ALKBH1: variants seen among roughly 807,000 people sequenced by gnomAD.
ALKBH1 encodes the protein nucleic acid dioxygenase ALKBH1.
In ALKBH1, 31 loss-of-function variants were observed where a neutral mutation model predicts 36.6. That is an observed-to-expected ratio of 0.85 (90% CI 0.64 to 1.14). The LOEUF (loss-of-function observed/expected upper bound fraction) is 1.14. Ranked by LOEUF, ALKBH1 falls within the 50% of genes most tolerant of loss-of-function variation. The probability of loss-of-function intolerance (pLI) is 0.00; values close to 1 mark genes in which losing one functional copy is unlikely to be tolerated. For synonymous variants in ALKBH1, 183 were observed against 186.6 expected (o/e 0.98, Z 0.16); for missense variants, 490 against 497.3 (o/e 0.99, Z 0.14).
chr14:77,704,505 G>C, intron 1 of ALKBH1, 28 bp from the exon 2 acceptor site: 1 of 1,582,096 alleles, frequency 6.3e-7, no homozygotes, highest in Non-Finnish European at 8.7e-7. Context: ...GAAGTTAAAG[G>C]ACTAAATCTA....
In ALKBH1 at chr14:77,707,845, C is replaced by T; in HGVS notation, c.160G>A (p.Gly54Ser). 1 of 1,611,080 alleles carries T rather than the reference C, an allele frequency of 6.2e-7. No homozygotes were observed. Among genetic ancestry groups the T allele is most frequent in the Non-Finnish European group, 8.5e-7 (1 of 1,178,462 alleles). ...IDFSAAHAAR[G>S]KGPGAQKVIK... ...ACCTTTTGGGCACCAGGACCCTTGC[C>T]ACGGGCTGCGTGGGCCGCCGAGAAG... is the stretch of plus-strand genomic sequence containing the variant. Residue 54 changes from glycine (G) to serine (S), a missense_variant, in exon 1 of 6, where the codon GGC becomes AGC. Transcript: ENST00000216489.
chr14:77,699,522 C>G (rs563327511), intron 2 of ALKBH1, among the ~76,000 whole-genome samples: 74 of 152,326 alleles, frequency 4.9e-4, no homozygotes, highest in Non-Finnish European at 9.1e-4. Flanking sequence ...CATTAATCTT[C>G]AGTAACTCTA....
intron 2 of ALKBH1, among the ~76,000 whole-genome samples, chr14:77,703,766 T>C (rs564417799): frequency 3.0e-4 from 45 of 151,864 alleles, no homozygotes; most frequent in Admixed American, 1.2e-3. Context: ...CCCAGCTAAT[T>C]TTTGTATTTT....
chr14:77,684,448 G>A (rs1202239158), intron 3 of ALKBH1, among the ~76,000 whole-genome samples: 13 of 151,692 alleles, frequency 8.6e-5, no homozygotes, highest in South Asian at 8.3e-4. Flanking sequence ...TGCAACCTCC[G>A]CCTCCCAGGT....
At chr14:77,694,196 T>G (rs2080314218) in intron 3 of ALKBH1, among the ~76,000 whole-genome samples, 1 of 152,190 alleles carries the variant, frequency 6.6e-6, no homozygotes, top group Non-Finnish European at 1.5e-5. Flanking sequence ...TGCCTTTATC[T>G]TTCTGTGTCC....
chr14:77,699,322 T>C (rs1437261020), intron 2 of ALKBH1, among the ~76,000 whole-genome samples: 1 of 152,256 alleles, frequency 6.6e-6, no homozygotes, highest in African/African-American at 2.4e-5. Context: ...AACTTTGTTA[T>C]TACTTAACTA....
At chr14:77,699,645 T>C (rs1045528221) in intron 2 of ALKBH1, among the ~76,000 whole-genome samples, 2 of 152,076 alleles carry the variant, frequency 1.3e-5, no homozygotes, top group Non-Finnish European at 2.9e-5. Context: ...AGCACACATT[T>C]GAGATAAGAC....
rs756874966 is a variant in ALKBH1, at chr14:77,707,965, G to C, written c.40C>G (p.Leu14Val). 6 of 1,613,200 alleles carry C rather than the reference G, an allele frequency of 3.7e-6. No individual in the cohort carries two copies. The African/African-American group carries it at 4.0e-5, about 11-fold the overall frequency. The stretch of plus-strand genomic sequence containing the variant: ...GCGTCCTCCCCGGGCTCAGTCGCCA[G>C]AGTCGCCACAGAGCCCACGGCCGCT... The part of the protein sequence containing the change: ...MAAAVGSVAT[L>V]ATEPGEDAFR... Residue 14 changes from leucine (L) to valine (V), a missense_variant, in exon 1 of 6, where the codon CTG (leucine) becomes GTG (valine). By Grantham distance (32) the Leu-to-Val change is conservative. Coordinates refer to ENST00000216489, the MANE Select transcript of ALKBH1 (RefSeq NM_006020.3).
rs367995214 is a variant in ALKBH1, at chr14:77,682,957, A to G, written c.456-2987T>C. Among the ~76,000 whole-genome samples, 6 of 152,294 alleles carry G rather than the reference A, an allele frequency of 3.9e-5. No individual in the cohort carries two copies. In the East Asian group the frequency reaches 7.7e-4, roughly 20 times the overall value. ...GGTGGTCCACCCGCCTCGGCCTCCCAAAGTGCTGGGATTACAGGCGTGAAC... is the reference window on the plus strand; with the variant it reads ...GGTGGTCCACCCGCCTCGGCCTCCCGAAGTGCTGGGATTACAGGCGTGAAC... On this transcript the variant is annotated intron_variant, in intron 3 of 5. Coordinates refer to ENST00000216489, the MANE Select transcript of ALKBH1 (RefSeq NM_006020.3).
intron 2 of ALKBH1, among the ~76,000 whole-genome samples, chr14:77,701,067 T>C (rs972848723): frequency 1.3e-5 from 2 of 152,158 alleles, no homozygotes; most frequent in African/African-American, 4.8e-5. Context: ...TGCACCCCAC[T>C]GGGTGACAGA....
intron 3 of ALKBH1, among the ~76,000 whole-genome samples, chr14:77,690,878 C>T (rs1028185389): frequency 3.9e-5 from 6 of 152,002 alleles, no homozygotes; most frequent in Non-Finnish European, 7.4e-5. Flanking sequence ...CTCGGCTCAC[C>T]GCAACCTCCG....
intron 3 of ALKBH1, among the ~76,000 whole-genome samples, chr14:77,686,901 C>A (rs559511907): frequency 6.6e-6 from 1 of 152,182 alleles, no homozygotes; most frequent in Admixed American, 6.5e-5. Context: ...GGATTACAGG[C>A]GTAAGCCACT....
chr14:77,694,223 C>T (rs1162822637), intron 3 of ALKBH1, among the ~76,000 whole-genome samples: 2 of 152,116 alleles, frequency 1.3e-5, no homozygotes, highest in Admixed American at 6.5e-5. Flanking sequence ...TAGCATCATG[C>T]CTGACACACT....
At chr14:77,680,680 T>C (rs866236778) in intron 3 of ALKBH1, among the ~76,000 whole-genome samples, 12,343 of 143,344 alleles carry the variant, frequency 0.086, 981 homozygotes, top group African/African-American at 0.18. Flanking sequence ...AACTACTCTT[T>C]TTTTTTTTTT....
At chr14:77,686,146 T>C (rs535552838) in intron 3 of ALKBH1, among the ~76,000 whole-genome samples, 22 of 152,328 alleles carry the variant, frequency 1.4e-4, no homozygotes, top group South Asian at 6.2e-4. Flanking sequence ...AGGACCCTTC[T>C]GGTTAATCAT....
intron 3 of ALKBH1, among the ~76,000 whole-genome samples, chr14:77,688,935 CAG>C (rs142943313): frequency 0.1 from 15,511 of 152,058 alleles, 921 homozygotes; most frequent in African/African-American, 0.15. Flanking sequence ...CCTCCACTAC[CAG>C]AGTTATTTTT....
In ALKBH1 at chr14:77,673,970, G is replaced by C. The variant is rs770216138; in HGVS notation, c.1012C>G (p.Arg338Gly). ...QVCASYLKTA[R>G]VNMTVRQVLA... ...ACCTGTCGGACAGTCATGTTAACACGAGCGGTCTTCAAGTAGCTGGCACAC... is the reference window on the plus strand; with the variant it reads ...ACCTGTCGGACAGTCATGTTAACACCAGCGGTCTTCAAGTAGCTGGCACAC... Residue 338 changes from arginine to glycine, a missense_variant, in exon 6 of 6, where the codon CGT becomes GGT. Physicochemically the swap from Arg to Gly is moderately radical, Grantham distance 125. Transcript: ENST00000216489. 2.5e-6 allele frequency: 4 copies of C among 1,614,008 alleles called. No homozygotes were observed. Among genetic ancestry groups the C allele is most frequent in the African/African-American group, 2.7e-5 (2 of 74,910 alleles).
chr14:77,691,634 G>T (rs899500804), intron 3 of ALKBH1: 8 of 152,134 alleles, frequency 5.3e-5, no homozygotes, highest in Non-Finnish European at 7.3e-5. Flanking sequence ...ACAATGTCTT[G>T]AGCATATCAA....
At chr14:77,687,071 C>T (rs1270448213) in intron 3 of ALKBH1, among the ~76,000 whole-genome samples, 1 of 152,198 alleles carries the variant, frequency 6.6e-6, no homozygotes, top group African/African-American at 2.4e-5. Flanking sequence ...CTTATCTAAC[C>T]GTCTTCTGTT....
Sources: allele counts gnomAD v4.1 joint callset (sites outside exome capture counted in the v4.1 genomes callset), GRCh38; gene constraint gnomAD v4.1.1; transcripts MANE v1.5; gene names NCBI Gene and HGNC (gene_info 2026-07-23, HGNC 2026-07-21).